Variants in ARK2N observed in about 807,000 individuals in gnomAD.
The protein encoded by ARK2N is protein ARK2N.
the ARK2N span, among the ~76,000 whole-genome samples, chr18:46,223,317 A>C: frequency 1.3e-5 from 2 of 152,190 alleles, no homozygotes; most frequent in Non-Finnish European, 2.9e-5. Context: ...ACTTTTTTAA[A>C]AAGTGAAAAC....
the ARK2N span, among the ~76,000 whole-genome samples, chr18:46,199,073 G>A: frequency 2.0e-5 from 3 of 152,252 alleles, no homozygotes; most frequent in East Asian, 3.9e-4. Flanking sequence ...CAGCAAATGA[G>A]CACGCAAAGA....
At chr18:46,252,064 G>T in the ARK2N span, among the ~76,000 whole-genome samples, 4 of 151,900 alleles carry the variant, frequency 2.6e-5, no homozygotes, top group Non-Finnish European at 4.4e-5. Context: ...GTGGTGGCGT[G>T]CGCCTGTAAT....
chr18:46,240,692 CCTTT>C, the ARK2N span, among the ~76,000 whole-genome samples: 1 of 152,136 alleles, frequency 6.6e-6, no homozygotes, highest in Non-Finnish European at 1.5e-5. Context: ...TTTTCTAACT[CCTTT>C]CTTTTAGTTT....
chr18:46,224,992 G>A, the ARK2N span, among the ~76,000 whole-genome samples: 3 of 152,238 alleles, frequency 2.0e-5, no homozygotes, highest in Non-Finnish European at 2.9e-5. Flanking sequence ...TTACTTGACA[G>A]GGGTACTGTG....
the ARK2N span, among the ~76,000 whole-genome samples, chr18:46,211,237 C>CT: frequency 1.1e-4 from 16 of 152,182 alleles, no homozygotes; most frequent in East Asian, 1.4e-3. Context: ...GAGACAGGGT[C>CT]TTGCTCTGTT....
chr18:46,196,406 C>T, the ARK2N span, among the ~76,000 whole-genome samples: 5 of 151,820 alleles, frequency 3.3e-5, no homozygotes, highest in Admixed American at 1.3e-4. Context: ...GGACTACAGG[C>T]GCCTGCCACC....
the ARK2N span, among the ~76,000 whole-genome samples, chr18:46,196,825 T>C: frequency 6.6e-6 from 1 of 152,202 alleles, no homozygotes; most frequent in African/African-American, 2.4e-5. Context: ...GCAAGGTGAC[T>C]CACTCACATG....
the ARK2N span, among the ~76,000 whole-genome samples, chr18:46,221,368 A>AG: frequency 6.6e-6 from 1 of 151,148 alleles, no homozygotes; most frequent in Non-Finnish European, 1.5e-5. Context: ...CAACATGGTG[A>AG]AACCCCATCT....
chr18:46,266,674 T>C, the ARK2N span: 11 of 152,666 alleles, frequency 7.2e-5, no homozygotes, highest in African/African-American at 2.7e-4. Flanking sequence ...TAGGAACCAA[T>C]GCACTTGGCA....
chr18:46,192,961 C>A, the ARK2N span, among the ~76,000 whole-genome samples: 5 of 150,122 alleles, frequency 3.3e-5, no homozygotes, highest in African/African-American at 1.2e-4. Context: ...CTTTGGGAGG[C>A]TGAGGTGGGC....
chr18:46,194,885 C>T, the ARK2N span, among the ~76,000 whole-genome samples: 1 of 149,954 alleles, frequency 6.7e-6, no homozygotes, highest in South Asian at 2.1e-4. Flanking sequence ...CTCACTGCAA[C>T]CTCCACCTCC....
the ARK2N span, among the ~76,000 whole-genome samples, chr18:46,239,141 A>G: frequency 1.2e-4 from 19 of 152,342 alleles, no homozygotes; most frequent in Non-Finnish European, 2.1e-4. Context: ...CTATTCTACA[A>G]GCATGAATAT....
chr18:46,219,207 G>A, the ARK2N span: 49 of 152,116 alleles, frequency 3.2e-4, no homozygotes, highest in African/African-American at 1.1e-3. Context: ...TGTTTATGAC[G>A]ATTTTTTAAA....
At chr18:46,220,078 A>G in the ARK2N span, among the ~76,000 whole-genome samples, 11 of 152,346 alleles carry the variant, frequency 7.2e-5, no homozygotes, top group South Asian at 2.3e-3. Context: ...ACCTCCATAC[A>G]GGGTAGCTTT....
chr18:46,255,504 T>A, the ARK2N span, among the ~76,000 whole-genome samples: 10 of 133,414 alleles, frequency 7.5e-5, no homozygotes, highest in South Asian at 2.5e-3. Context: ...CAGGCTGGAG[T>A]GCAATGGCAC....
At chr18:46,199,076 C>T in the ARK2N span, among the ~76,000 whole-genome samples, 4 of 152,030 alleles carry the variant, frequency 2.6e-5, no homozygotes, top group African/African-American at 7.3e-5. Context: ...CAAATGAGCA[C>T]GCAAAGATTA....
At chr18:46,242,312 G>A in the ARK2N span, among the ~76,000 whole-genome samples, 28 of 152,224 alleles carry the variant, frequency 1.8e-4, no homozygotes, top group African/African-American at 5.8e-4. Flanking sequence ...AGATTGAACC[G>A]TATGGAATTG....
chr18:46,216,879 C>A, the ARK2N span: 2 of 335,402 alleles, frequency 6.0e-6, no homozygotes, highest in Non-Finnish European at 1.1e-5. The surrounding 1 kb of genome is among the most constrained non-coding windows in gnomAD (Gnocchi z 4.3). Flanking sequence ...AACACATTAC[C>A]TGAACTCCCA....
At chr18:46,200,026 G>A in the ARK2N span, among the ~76,000 whole-genome samples, 1,527 of 152,084 alleles carry the variant, frequency 0.01, 27 homozygotes, top group African/African-American at 0.034. Context: ...GATTTTAAGC[G>A]CCAGCATCAG....
Sources: allele counts gnomAD v4.1 joint callset (sites outside exome capture counted in the v4.1 genomes callset), GRCh38; gene constraint gnomAD v4.1.1; non-coding constraint Gnocchi (gnomAD v3.1); transcripts MANE v1.5; gene names NCBI Gene and HGNC (gene_info 2026-07-23, HGNC 2026-07-21).